ZSWIM6: variants seen among roughly 807,000 people sequenced by gnomAD.
ZSWIM6 encodes zinc finger SWIM domain-containing protein 6.
In ZSWIM6, 9 loss-of-function variants were observed where a neutral mutation model predicts 113.2. That is an observed-to-expected ratio of 0.08 (90% CI 0.05 to 0.14). The LOEUF (loss-of-function observed/expected upper bound fraction) is 0.14, where lower values mean the gene tolerates loss of function less well. Ranked by LOEUF, ZSWIM6 falls within the 10% of genes least tolerant of loss-of-function variation. The pLI is 1.00. For synonymous variants in ZSWIM6, 611 were observed against 606.5 expected, an observed-to-expected ratio of 1.01 and a Z score of -0.11; for missense variants, 1,162 against 1,552.2, an observed-to-expected ratio of 0.75 and a Z score of 4.22.
intron 1 of ZSWIM6, among the ~76,000 whole-genome samples, chr5:61,416,759 A>C (rs939187930): frequency 3.3e-5 from 5 of 152,274 alleles, no homozygotes; most frequent in Admixed American, 3.3e-4. Flanking sequence ...CTAAGACTAG[A>C]AAACACAAAG....
intron 1 of ZSWIM6, among the ~76,000 whole-genome samples, chr5:61,403,356 T>C (rs558385013): frequency 5.9e-5 from 9 of 152,360 alleles, no homozygotes; most frequent in Admixed American, 5.9e-4. Context: ...CCATGTTGTT[T>C]AGAAAAATTA....
intron 1 of ZSWIM6, among the ~76,000 whole-genome samples, chr5:61,406,038 G>C (rs974262675): frequency 6.6e-6 from 1 of 152,154 alleles, no homozygotes; most frequent in Non-Finnish European, 1.5e-5. Context: ...AGCTGCATTA[G>C]GGTCTTCTGC....
At chr5:61,350,969 T>G (rs1744771390) in intron 1 of ZSWIM6, among the ~76,000 whole-genome samples, 2 of 152,354 alleles carry the variant, frequency 1.3e-5, no homozygotes, top group Middle Eastern at 3.4e-3. Context: ...TTCTTCTAGT[T>G]TTCTGTATTT....
At chr5:61,541,831 T>C in intron 12 of ZSWIM6, 53 bp from the exon 13 acceptor site, 1 of 1,466,888 alleles carries the variant, frequency 6.8e-7, no homozygotes, top group African/African-American at 1.4e-5. Flanking sequence ...CCCCCTTTTT[T>C]TTCATTGACT....
At chr5:61,516,761 C>G (rs1467467545) in intron 4 of ZSWIM6, among the ~76,000 whole-genome samples, 2 of 151,566 alleles carry the variant, frequency 1.3e-5, no homozygotes, top group Non-Finnish European at 2.9e-5. Context: ...TCCTTTATTC[C>G]TGAACTTCCA....
intron 5 of ZSWIM6, among the ~76,000 whole-genome samples, chr5:61,523,586 A>C (rs1429668921): frequency 6.6e-6 from 1 of 152,166 alleles, no homozygotes; most frequent in Non-Finnish European, 1.5e-5. Flanking sequence ...TTATCATTTA[A>C]AAAAATTGCT....
At position 61,535,043 on chromosome 5, in the gene ZSWIM6, G is replaced by A. The variant is rs933700139; in HGVS notation, c.2246-441G>A. 2.0e-5 allele frequency among the ~76,000 whole-genome samples: 3 copies of A among 152,224 alleles called. 1 individual carries two copies. The East Asian group carries it at 5.8e-4, about 29-fold the overall frequency. On this transcript the variant is annotated intron_variant, in intron 9 of 13. Coordinates refer to ENST00000252744, the MANE Select transcript of ZSWIM6 (RefSeq NM_020928.2). ...ACAGAGCACCATTTTCTGGAAACCT[G>A]GCATATTTGTGTCCCTAACCCTTCT...
chr5:61,351,969 T>G (rs763443238), intron 1 of ZSWIM6, among the ~76,000 whole-genome samples: 23 of 152,344 alleles, frequency 1.5e-4, no homozygotes, highest in Admixed American at 4.6e-4. Context: ...CAGGATGGTG[T>G]TGTTCATACC....
At chr5:61,393,999 G>A (rs921620118) in intron 1 of ZSWIM6, among the ~76,000 whole-genome samples, 1 of 152,146 alleles carries the variant, frequency 6.6e-6, no homozygotes, top group Non-Finnish European at 1.5e-5. Flanking sequence ...GCTAGGGGTG[G>A]GATAGGAACA....
At chr5:61,377,715 C>CAA (rs67255045) in intron 1 of ZSWIM6, among the ~76,000 whole-genome samples, 14 of 125,558 alleles carry the variant, frequency 1.1e-4, no homozygotes, top group Middle Eastern at 4.5e-3. Context: ...GACTTCGTCT[C>CAA]AAAAAAAAAA....
intron 1 of ZSWIM6, among the ~76,000 whole-genome samples, chr5:61,346,470 C>A (rs1744660762): frequency 6.6e-6 from 1 of 152,132 alleles, no homozygotes; most frequent in Non-Finnish European, 1.5e-5. Context: ...CAATGTATCT[C>A]TCTAGATATG....
chr5:61,469,633 C>T (rs565941576), intron 1 of ZSWIM6, among the ~76,000 whole-genome samples: 1 of 152,244 alleles, frequency 6.6e-6, no homozygotes, highest in African/African-American at 2.4e-5. Flanking sequence ...CTGTATAACT[C>T]ATGTGAATAA....
At chr5:61,520,620 C>T (rs182527142) in intron 4 of ZSWIM6, among the ~76,000 whole-genome samples, 33 of 152,024 alleles carry the variant, frequency 2.2e-4, no homozygotes, top group African/African-American at 8.0e-4. Context: ...TTTTGAAAGA[C>T]GTATTTTACT....
intron 1 of ZSWIM6, among the ~76,000 whole-genome samples, chr5:61,378,908 G>A (rs368585696): frequency 1.3e-5 from 2 of 152,088 alleles, no homozygotes; most frequent in African/African-American, 4.8e-5. Context: ...GGCTGGGCAC[G>A]ATGGCTCACT....
intron 1 of ZSWIM6, among the ~76,000 whole-genome samples, chr5:61,398,496 GC>G (rs1227945320): frequency 4.6e-5 from 7 of 152,116 alleles, no homozygotes; most frequent in Non-Finnish European, 1.5e-5. Context: ...TGAGCAACTA[GC>G]CAGGCAATGT....
intron 1 of ZSWIM6, among the ~76,000 whole-genome samples, chr5:61,343,750 T>C (rs1452257221): frequency 1.3e-5 from 2 of 152,260 alleles, no homozygotes; most frequent in Non-Finnish European, 1.5e-5. Context: ...AATAAGATTC[T>C]AAAACCCAAA....
intron 2 of ZSWIM6, among the ~76,000 whole-genome samples, chr5:61,479,224 A>G (rs1375599930): frequency 6.6e-6 from 1 of 151,946 alleles, no homozygotes; most frequent in Non-Finnish European, 1.5e-5. Context: ...GATCATGTAC[A>G]GGGGATCCTT....
chr5:61,437,325 T>TA (rs1398050281), intron 1 of ZSWIM6, among the ~76,000 whole-genome samples: 2 of 152,164 alleles, frequency 1.3e-5, no homozygotes, highest in African/African-American at 4.8e-5. Flanking sequence ...GACATGTGAG[T>TA]ACAAGCCAGT....
At position 61,344,197 on chromosome 5, in the gene ZSWIM6, G is replaced by A. The variant is rs984627126; in HGVS notation, c.676+11249G>A. The stretch of plus-strand genomic sequence containing the variant: ...GGTGTGAGCCACTGTGCCTGGCCAG[G>A]ATTTTGTATTCTTGATGCCATTTTT... On this transcript the variant is annotated intron_variant, in intron 1 of 13. Coordinates refer to ENST00000252744, the MANE Select transcript of ZSWIM6 (RefSeq NM_020928.2). Among the ~76,000 whole-genome samples, 6 of 152,188 alleles carry A rather than the reference G, an allele frequency of 3.9e-5. No homozygotes were observed. In the South Asian group the frequency reaches 8.3e-4, roughly 21 times the overall value.
Sources: gnomAD v4.1 joint callset for allele counts (sites outside exome capture counted in the v4.1 genomes callset) on GRCh38, gnomAD v4.1.1 for gene constraint, MANE v1.5 for transcripts, NCBI Gene and HGNC (gene_info 2026-07-23, HGNC 2026-07-21) for gene names.